SLC44A1: variants seen among roughly 807,000 people sequenced by gnomAD.
SLC44A1 encodes the protein choline transporter-like protein 1.
Under a neutral mutation model 79.3 loss-of-function variants are expected in SLC44A1, and 26 were observed. The ratio of observed to expected loss-of-function variants is 0.33; its 90% CI spans 0.24 to 0.46. SLC44A1 has a LOEUF of 0.46. Among genes scored for constraint, SLC44A1 ranks in the 20% least tolerant of loss-of-function variants. The pLI is 1.00. For synonymous variants in SLC44A1, 263 were observed against 286.2 expected (o/e 0.92, Z 0.82); for missense variants, 688 against 798.1 (o/e 0.86, Z 1.66).
Position 105,395,049 on chromosome 9 carries a change from T to G in SLC44A1, c.*5993T>G. 10 of 985,394 alleles carry G rather than the reference T, an allele frequency of 1.0e-5. No individual in the cohort carries two copies. The highest frequency in any genetic ancestry group is 1.2e-5 in the Non-Finnish European group (10 of 829,930). 61.0% of individuals were successfully genotyped at this position (985,394 alleles called of 1,614,324 possible). A position where few individuals can be genotyped will look rare whatever the true frequency, so the allele number is the denominator to read the frequency against. On this transcript the variant is annotated 3_prime_UTR_variant, in exon 16 of 16. Coordinates refer to ENST00000374720, the MANE Select transcript of SLC44A1 (RefSeq NM_080546.5). ...CAGAAACTCATCAAGGGGTTTGAAG[T>G]TCTTGTGAAATTTGATCCCAGTGGC...
At chr9:105,259,960 C>G (rs1829803198) in intron 1 of SLC44A1, among the ~76,000 whole-genome samples, 1 of 152,160 alleles carries the variant, frequency 6.6e-6, no homozygotes, top group African/African-American at 2.4e-5. Flanking sequence ...GCAAATTGAG[C>G]TGGGAGACTT....
intron 1 of SLC44A1, among the ~76,000 whole-genome samples, chr9:105,271,232 T>C (rs1830068788): frequency 6.6e-6 from 1 of 152,244 alleles, no homozygotes; most frequent in South Asian, 2.1e-4. Flanking sequence ...CTGTCAGACC[T>C]TGTTAGGCTT....
chr9:105,394,902 C>G lies in SLC44A1; in HGVS notation c.*5846C>G, dbSNP rs1001394211. The stretch of plus-strand genomic sequence containing the variant: ...TCCTCTGCCAATAGAACTCCACCCC[C>G]AGTCCCTTACCTACTCTATCTTCTT... On this transcript the variant is annotated 3_prime_UTR_variant, in exon 16 of 16. Coordinates refer to ENST00000374720, the MANE Select transcript of SLC44A1 (RefSeq NM_080546.5). 1.0e-6 allele frequency: 1 copy of G among 985,378 alleles called. No homozygotes were observed. The highest frequency in any genetic ancestry group is 1.7e-5 in the African/African-American group (1 of 57,250). The allele number at this position is 985,378 out of a possible 1,614,324, so 61.0% of individuals were successfully genotyped here.
intron 1 of SLC44A1, among the ~76,000 whole-genome samples, chr9:105,283,622 G>A (rs1290229344): frequency 6.6e-6 from 1 of 152,136 alleles, no homozygotes. Flanking sequence ...TGTCAGTTTG[G>A]TAAGTGTGAA....
At position 105,309,663 on chromosome 9, in the gene SLC44A1, A is replaced by G. The variant is rs188805666; in HGVS notation, c.127-61A>G. 1.4e-4 allele frequency: 215 copies of G among 1,495,862 alleles called. 1 individual carries two copies. In the East Asian group the frequency reaches 2.0e-3, roughly 14 times the overall value. 92.7% of individuals were successfully genotyped at this position (1,495,862 alleles called of 1,614,324 possible). A position where few individuals can be genotyped will look rare whatever the true frequency, so the allele number is the denominator to read the frequency against. On this transcript the variant is annotated intron_variant, in intron 2 of 15. Coordinates refer to ENST00000374720, the MANE Select transcript of SLC44A1 (RefSeq NM_080546.5). Reference sequence around the variant, plus strand: ...CAAAAAGAAGCTCATTATCGTATCAACTAGTGACTGTTGGCTATTGAAATG... The same window carrying G: ...CAAAAAGAAGCTCATTATCGTATCAGCTAGTGACTGTTGGCTATTGAAATG...
intron 5 of SLC44A1, among the ~76,000 whole-genome samples, chr9:105,353,052 T>C (rs1361230185): frequency 6.6e-6 from 1 of 152,202 alleles, no homozygotes; most frequent in Non-Finnish European, 1.5e-5. Context: ...TATTTCTTCT[T>C]ATGTTTGCCT....
intron 13 of SLC44A1, among the ~76,000 whole-genome samples, chr9:105,378,005 T>C (rs546762501): frequency 6.6e-6 from 1 of 152,268 alleles, no homozygotes; most frequent in South Asian, 2.1e-4. Flanking sequence ...CCCAACACTT[T>C]GGGAGGCTAA....
At position 105,394,036 on chromosome 9, in the gene SLC44A1, A is replaced by AGCTATGG. The variant is rs1487317517; in HGVS notation, c.*4981_*4987dup. On this transcript the variant is annotated 3_prime_UTR_variant, in exon 16 of 16. Coordinates refer to ENST00000374720, the MANE Select transcript of SLC44A1 (RefSeq NM_080546.5). ...CAATGGGTCTCTTTGAGCTTAAGAA[A>AGCTATGG]GCTATGGACTATCTTTCCTTCAAAT... 3 of 985,202 alleles carry AGCTATGG rather than the reference A, an allele frequency of 3.0e-6. No homozygotes were observed. In the Admixed American group the frequency reaches 1.8e-4, roughly 61 times the overall value. The allele number at this position is 985,202 out of a possible 1,614,324, so 61.0% of individuals were successfully genotyped here. A position where few individuals can be genotyped will look rare whatever the true frequency, so the allele number is the denominator to read the frequency against.
chr9:105,385,794 C>G, intron 15 of SLC44A1: 1 of 985,336 alleles, frequency 1.0e-6, no homozygotes, highest in Non-Finnish European at 1.2e-6. Context: ...TGCTGTTGCT[C>G]TTGTTTCCTT....
At chr9:105,371,852 G>A (rs530334751) in intron 12 of SLC44A1, among the ~76,000 whole-genome samples, 1 of 152,266 alleles carries the variant, frequency 6.6e-6, no homozygotes, top group African/African-American at 2.4e-5. Context: ...TGTGAACTGG[G>A]AACCAATCTG....
At position 105,309,857 on chromosome 9, in the gene SLC44A1, C is replaced by A; in HGVS notation, c.260C>A (p.Thr87Asn). 6.2e-7 allele frequency: 1 copy of A among 1,613,200 alleles called. No individual in the cohort carries two copies. Among genetic ancestry groups the A allele is most frequent in the African/African-American group, 1.3e-5 (1 of 75,008 alleles). Reference protein sequence around the residue: ...EAIPNSGMDHTQRKYVFFLDP... With the variant: ...EAIPNSGMDHNQRKYVFFLDP... ...ATACCAAACAGTGGCATGGACCACA[C>A]CCAGCGGAAGTGAGTAGACTTGCTG... is the stretch of plus-strand genomic sequence containing the variant. Residue 87 changes from threonine to asparagine, a missense_variant, in exon 3 of 16, where the codon ACC becomes AAC. Transcript: ENST00000374720.
chr9:105,371,105 AC>A (rs1828084058), intron 12 of SLC44A1, among the ~76,000 whole-genome samples: 1 of 152,248 alleles, frequency 6.6e-6, no homozygotes, highest in Non-Finnish European at 1.5e-5. Flanking sequence ...CTGAAGAATT[AC>A]AGTGAAAGAT....
At chr9:105,328,889 GTTGGGTTTC>G (rs1045653607) in intron 3 of SLC44A1, among the ~76,000 whole-genome samples, 1 of 152,140 alleles carries the variant, frequency 6.6e-6, no homozygotes, top group African/African-American at 2.4e-5. Flanking sequence ...AACCTCATGG[GTTGGGTTTC>G]TTGGGTTTCA....
At chr9:105,279,342 G>A (rs1366410700) in intron 1 of SLC44A1, among the ~76,000 whole-genome samples, 1 of 147,160 alleles carries the variant, frequency 6.8e-6, no homozygotes, top group African/African-American at 2.5e-5. Flanking sequence ...TTTTGAGACG[G>A]AGTCTGACTC....
At chr9:105,356,101 G>T in intron 5 of SLC44A1, 111 bp from the exon 6 acceptor site, 1 of 787,324 alleles carries the variant, frequency 1.3e-6, no homozygotes, top group Non-Finnish European at 2.1e-6. Flanking sequence ...AATGATGTGT[G>T]GAGGGTGGAG....
chr9:105,435,037 C>T (rs1036893132), intron 15 of SLC44A1, among the ~76,000 whole-genome samples: 6 of 152,140 alleles, frequency 3.9e-5, no homozygotes, highest in Middle Eastern at 3.4e-3. Context: ...GCCCCAGCTA[C>T]TCAGAAGGCT....
intron 12 of SLC44A1, among the ~76,000 whole-genome samples, chr9:105,372,949 CA>C (rs1276208690): frequency 0.13 from 11,142 of 84,548 alleles, 431 homozygotes; most frequent in African/African-American, 0.2. Context: ...GACTCCGTCT[CA>C]AAAAAAAAAA....
chr9:105,338,677 G>C (rs1274559546), intron 4 of SLC44A1, among the ~76,000 whole-genome samples: 2 of 152,198 alleles, frequency 1.3e-5, no homozygotes, highest in African/African-American at 2.4e-5. Flanking sequence ...GCCTCTCAAA[G>C]TGCTGGGATT....
intron 3 of SLC44A1, among the ~76,000 whole-genome samples, chr9:105,314,444 C>T (rs1476826710): frequency 1.3e-5 from 2 of 152,156 alleles, no homozygotes; most frequent in Non-Finnish European, 2.9e-5. Context: ...TCAAACAGTC[C>T]TAACACAGAG....
Sources: allele counts gnomAD v4.1 joint callset (sites outside exome capture counted in the v4.1 genomes callset), GRCh38; gene constraint gnomAD v4.1.1; transcripts MANE v1.5; gene names NCBI Gene and HGNC (gene_info 2026-07-23, HGNC 2026-07-21).